AXIN1: variants seen among roughly 807,000 people sequenced by gnomAD.
AXIN1 encodes axin 1.
A neutral mutation model predicts 76.4 loss-of-function variants in AXIN1; 30 were observed. The ratio of observed to expected loss-of-function variants is 0.39; its 90% CI spans 0.29 to 0.53. AXIN1 has a LOEUF of 0.53. AXIN1 is among the 20% of genes least tolerant of loss of function. The probability of loss-of-function intolerance (pLI) is 0.66; values close to 1 mark genes in which losing one functional copy is unlikely to be tolerated. For synonymous variants in AXIN1, 545 were observed against 501.4 expected, an observed-to-expected ratio of 1.09 and a Z score of -1.16; for missense variants, 1,140 against 1,198.8, an observed-to-expected ratio of 0.95 and a Z score of 0.72.
chr16:311,877 C>T (rs780612109), intron 3 of AXIN1, among the ~76,000 whole-genome samples: 3 of 152,198 alleles, frequency 2.0e-5, no homozygotes, highest in African/African-American at 4.8e-5. Flanking sequence ...AGACACAGGA[C>T]GACTGAAGAG....
intron 2 of AXIN1, among the ~76,000 whole-genome samples, chr16:341,631 G>A (rs528592807): frequency 3.3e-5 from 5 of 152,332 alleles, no homozygotes; most frequent in South Asian, 2.1e-4. Context: ...GAGTGCGGGC[G>A]CACGGCACGG....
At position 325,514 on chromosome 16, in the gene AXIN1, G is replaced by A. The variant is rs1282775587; in HGVS notation, c.879-10831C>T. Among the ~76,000 whole-genome samples the A allele has an allele frequency of 7.0e-4, 107 of 152,240 alleles. 1 individual carries two copies. The highest frequency in any genetic ancestry group is 6.9e-3 in the Admixed American group (106 of 15,284). On this transcript the variant is annotated intron_variant, in intron 2 of 10. Transcript: ENST00000262320. ...GGCAGAGTTGACCCCGAGGCCAACAGCCAGGCCACAGCCAGCGCCCTCCCC... is the reference window on the plus strand; with the variant it reads ...GGCAGAGTTGACCCCGAGGCCAACAACCAGGCCACAGCCAGCGCCCTCCCC...
rs148792863 is a variant in AXIN1, at chr16:297,064, G to A, written c.1947C>T (p.Thr649=). The A allele has an allele frequency of 8.6e-5, 138 of 1,611,270 alleles. No individual in the cohort carries two copies. Among genetic ancestry groups the A allele is most frequent in the Non-Finnish European group, 1.1e-4 (129 of 1,179,890 alleles). Reference sequence around the variant, plus strand: ...GCGTGCGGGGTGCTCACCCGTGGCCGGTCCTGCGGTGCCTGCTGATCTCCT... The same window carrying A: ...GCGTGCGGGGTGCTCACCCGTGGCCAGTCCTGCGGTGCCTGCTGATCTCCT... ...GEKEISRHRR[T]GHGSSGTRKP... Residue 649 remains threonine (T), a synonymous_variant, in exon 7 of 11, where the codon ACC becomes ACT. Transcript: ENST00000262320.
chr16:335,027 G>T (rs1453134821), intron 2 of AXIN1, among the ~76,000 whole-genome samples: 1 of 152,180 alleles, frequency 6.6e-6, no homozygotes, highest in African/African-American at 2.4e-5. Context: ...ACCAACTCAT[G>T]AGAATCTACA....
chr16:287,827 T>TTGG lies in AXIN1; in HGVS notation c.*294_*295insCCA, dbSNP rs754831777. The TTGG allele has an allele frequency of 2.6e-5, 13 of 492,680 alleles. No homozygotes were observed. The highest frequency in any genetic ancestry group is 2.6e-4 in the South Asian group (12 of 46,092). The allele number at this position is 492,680 out of a possible 1,614,324, so 30.5% of individuals were successfully genotyped here. On this transcript the variant is annotated 3_prime_UTR_variant, in exon 11 of 11. Coordinates refer to ENST00000262320, the MANE Select transcript of AXIN1 (RefSeq NM_003502.4). ...CGTGCCCAAGGGAGGTGCCGGGGGA[T>TTGG]GGGGGGGGGTCACCTGAAGCTGGCA...
rs56364740 is a variant in AXIN1 at position 332,373 on chromosome 16, G to T, written c.878+13775C>A. On this transcript the variant is annotated intron_variant, in intron 2 of 10. Coordinates refer to ENST00000262320, the MANE Select transcript of AXIN1 (RefSeq NM_003502.4). ...CGGGCGGATCACGAGATCAGGAGAT[G>T]GAGACCATCCTGGCTAACACAGTGA... is the stretch of plus-strand genomic sequence containing the variant. Among the ~76,000 whole-genome samples the T allele has an allele frequency of 1.5e-4, 23 of 151,870 alleles. 1 individual carries two copies. The highest frequency in any genetic ancestry group is 2.1e-4 in the South Asian group (1 of 4,820).
At chr16:339,966 C>T (rs904340936) in intron 2 of AXIN1, among the ~76,000 whole-genome samples, 8 of 152,310 alleles carry the variant, frequency 5.3e-5, no homozygotes, top group African/African-American at 1.9e-4. Context: ...TGAGGTCCAA[C>T]GGACATGGAA....
chr16:343,417 C>T (rs918135824), intron 2 of AXIN1, among the ~76,000 whole-genome samples: 3 of 152,060 alleles, frequency 2.0e-5, no homozygotes, highest in Admixed American at 1.3e-4. Context: ...AATAACCAGC[C>T]GGGGCCGGGC....
intron 3 of AXIN1, among the ~76,000 whole-genome samples, chr16:314,097 G>C (rs532522465): frequency 1.2e-4 from 19 of 152,220 alleles, no homozygotes; most frequent in Non-Finnish European, 2.6e-4. Flanking sequence ...TGAAACCCCA[G>C]ACTCTGAAAA....
At chr16:341,590 G>A (rs915872470) in intron 2 of AXIN1, among the ~76,000 whole-genome samples, 5 of 152,362 alleles carry the variant, frequency 3.3e-5, no homozygotes, top group Admixed American at 6.5e-5. Flanking sequence ...CCCGACGAGC[G>A]CCCGGTCCCA....
chr16:344,907 GA>G (rs2054003878), intron 2 of AXIN1, among the ~76,000 whole-genome samples: 1 of 152,146 alleles, frequency 6.6e-6, no homozygotes, highest in Non-Finnish European at 1.5e-5. Context: ...GAACTAATGC[GA>G]GTTTTTAATA....
chr16:336,232 T>A (rs1202015340), intron 2 of AXIN1, among the ~76,000 whole-genome samples: 4 of 151,886 alleles, frequency 2.6e-5, no homozygotes, highest in Non-Finnish European at 5.9e-5. Context: ...CAAAACTCCG[T>A]CTCAAAAAAG....
At chr16:332,552 G>T (rs1310997563) in intron 2 of AXIN1, among the ~76,000 whole-genome samples, 2 of 151,082 alleles carry the variant, frequency 1.3e-5, no homozygotes, top group Non-Finnish European at 2.9e-5. Flanking sequence ...CTCCAGGCTG[G>T]GCGAAAGAGC....
rs2052440388 is a variant in AXIN1 at position 288,206 on chromosome 16, C to A, written c.2505G>T (p.Val835=). ...KKVSDEFDCG[V]VFEEVREDEA... ...CGTCCTCTCGAACCTCCTCAAACACCACCCCACAGTCAAACTCGTCGCTCA... is the reference window on the plus strand; with the variant it reads ...CGTCCTCTCGAACCTCCTCAAACACAACCCCACAGTCAAACTCGTCGCTCA... Residue 835 remains valine (V), a synonymous_variant, in exon 11 of 11, where the codon GTG becomes GTT. Coordinates refer to ENST00000262320, the MANE Select transcript of AXIN1 (RefSeq NM_003502.4). The A allele has an allele frequency of 6.2e-7, 1 of 1,613,616 alleles. No homozygotes were observed. The highest frequency in any genetic ancestry group is 1.3e-5 in the African/African-American group (1 of 74,936).
intron 2 of AXIN1, among the ~76,000 whole-genome samples, chr16:342,096 TC>T (rs1230352130): frequency 6.6e-6 from 1 of 151,694 alleles, no homozygotes; most frequent in African/African-American, 2.4e-5. Context: ...CGGGTCCCCT[TC>T]CATAGTGTGG....
At position 346,975 on chromosome 16, in the gene AXIN1, G is replaced by C. The variant is rs771525013; in HGVS notation, c.51C>G (p.Thr17=). The stretch of plus-strand genomic sequence containing the variant: ...GCACTGGGGGTCGGGGAGCATCTTC[G>C]GTGAAACTTGCTCCGAGGTCCAAGG... ...GFPLDLGASF[T]EDAPRPPVPG... is the part of the protein sequence containing the mutation. Residue 17 remains threonine (T), a synonymous_variant, in exon 2 of 11, where the codon ACC becomes ACG. Transcript: ENST00000262320. The C allele has an allele frequency of 1.9e-6, 3 of 1,614,100 alleles. No individual in the cohort carries two copies. Among genetic ancestry groups the C allele is most frequent in the Admixed American group, 1.7e-5 (1 of 60,008 alleles).
chr16:297,382 C>T (rs2698756), intron 6 of AXIN1, among the ~76,000 whole-genome samples, 156 bp from the exon 7 acceptor site: 4 of 151,628 alleles, frequency 2.6e-5, no homozygotes, highest in South Asian at 2.1e-4. Context: ...CGCTGTCCCC[C>T]GCCAGCTTGT....
At chr16:301,132 G>A (rs961610423) in intron 5 of AXIN1, among the ~76,000 whole-genome samples, 6 of 152,084 alleles carry the variant, frequency 3.9e-5, no homozygotes, top group Non-Finnish European at 5.9e-5. Flanking sequence ...TTAGCCGGGC[G>A]TGATGGTGGG....
At chr16:325,489 G>A (rs992062687) in intron 2 of AXIN1, among the ~76,000 whole-genome samples, 3 of 152,214 alleles carry the variant, frequency 2.0e-5, no homozygotes, top group African/African-American at 7.2e-5. Context: ...CTTCCCAGCG[G>A]GCAGAGTTGA....
Sources: gnomAD v4.1 joint callset for allele counts (sites outside exome capture counted in the v4.1 genomes callset) on GRCh38, gnomAD v4.1.1 for gene constraint, MANE v1.5 for transcripts, NCBI Gene and HGNC (gene_info 2026-07-23, HGNC 2026-07-21) for gene names.